CDH12: variants seen among roughly 807,000 people sequenced by gnomAD.
The protein encoded by CDH12 is cadherin 12, also known as cadherin-12.
A neutral mutation model predicts 74.1 loss-of-function variants in CDH12; 41 were observed. The ratio of observed to expected loss-of-function variants is 0.55; its 90% CI spans 0.43 to 0.72. The LOEUF is 0.72. CDH12 is among the 30% of genes least tolerant of loss of function. CDH12 has a pLI of 0.00. For missense variants in CDH12, 945 were observed against 977.2 expected (o/e 0.97, Z 0.44); for synonymous variants, 399 against 355.0 (o/e 1.12, Z -1.39).
intron 1 of CDH12, among the ~76,000 whole-genome samples, chr5:22,704,569 T>A (rs1395196628): frequency 1.3e-5 from 2 of 152,158 alleles, no homozygotes; most frequent in Non-Finnish European, 2.9e-5. Context: ...AGTATTATAA[T>A]GTTTGGCAGC....
chr5:21,963,552 T>C (rs1393428838), intron 6 of CDH12, among the ~76,000 whole-genome samples: 2 of 152,110 alleles, frequency 1.3e-5, no homozygotes, highest in African/African-American at 2.4e-5. Context: ...TCTTGTTTGA[T>C]GCATAAAACC....
chr5:22,829,942 G>A (rs1736512732), intron 1 of CDH12, among the ~76,000 whole-genome samples: 3 of 152,234 alleles, frequency 2.0e-5, no homozygotes, highest in East Asian at 3.9e-4. Flanking sequence ...GCTTTTTAAC[G>A]TTAGTGGTTT....
chr5:22,796,917 A>C (rs1220218205), intron 1 of CDH12, among the ~76,000 whole-genome samples: 1 of 152,146 alleles, frequency 6.6e-6, no homozygotes, highest in Non-Finnish European at 1.5e-5. Context: ...AGTTTCATAA[A>C]ATAATACTAT....
At chr5:21,919,517 T>G (rs962610784) in intron 6 of CDH12, among the ~76,000 whole-genome samples, 1 of 152,152 alleles carries the variant, frequency 6.6e-6, no homozygotes, top group East Asian at 1.9e-4. Context: ...ACTTCTTTCA[T>G]GCAAATTCTT....
intron 6 of CDH12, among the ~76,000 whole-genome samples, chr5:21,884,877 G>GT (rs954949774): frequency 1.4e-4 from 21 of 152,094 alleles, no homozygotes; most frequent in African/African-American, 5.1e-4. Context: ...AAAAGGCCCT[G>GT]TTTTTTGCTT....
chr5:22,389,983 T>C (rs981134706), intron 3 of CDH12, among the ~76,000 whole-genome samples: 3 of 150,656 alleles, frequency 2.0e-5, no homozygotes, highest in African/African-American at 7.3e-5. Flanking sequence ...AAAGCCATAT[T>C]TTATAAGATT....
At chr5:22,763,348 T>C (rs865903967) in intron 1 of CDH12, among the ~76,000 whole-genome samples, 4 of 152,084 alleles carry the variant, frequency 2.6e-5, no homozygotes, top group Admixed American at 6.6e-5. Context: ...ATTATCACAA[T>C]ATAAAAGAAA....
At chr5:22,113,147 A>T (rs560072109) in intron 4 of CDH12, among the ~76,000 whole-genome samples, 7 of 152,110 alleles carry the variant, frequency 4.6e-5, no homozygotes, top group African/African-American at 1.7e-4. Context: ...TTACAATCTT[A>T]CTCTGGCATA....
chr5:21,838,884 C>T (rs558514542), intron 8 of CDH12, among the ~76,000 whole-genome samples: 1 of 152,306 alleles, frequency 6.6e-6, no homozygotes, highest in South Asian at 2.1e-4. Context: ...TTCATCCATA[C>T]CCACATGGAT....
chr5:22,317,550 T>C (rs995525977), intron 3 of CDH12, among the ~76,000 whole-genome samples: 2 of 152,168 alleles, frequency 1.3e-5, no homozygotes, highest in African/African-American at 2.4e-5. Context: ...CATATACTAG[T>C]AGTTTTTGTT....
chr5:22,471,088 C>A (rs1427088968), intron 2 of CDH12, among the ~76,000 whole-genome samples: 1 of 107,268 alleles, frequency 9.3e-6, no homozygotes. Flanking sequence ...TCTTGTCAAG[C>A]TTCTAGGATA....
At chr5:22,659,098 A>G (rs1345774131) in intron 1 of CDH12, among the ~76,000 whole-genome samples, 4 of 152,176 alleles carry the variant, frequency 2.6e-5, no homozygotes, top group Admixed American at 2.6e-4. Flanking sequence ...GATTTAAAGA[A>G]AGATCTAAAT....
intron 1 of CDH12, among the ~76,000 whole-genome samples, chr5:22,849,175 A>G (rs111989122): frequency 0.012 from 1,828 of 152,234 alleles, 38 homozygotes; most frequent in African/African-American, 0.042. Context: ...GACCATGATA[A>G]GTGTTATCTG....
At chr5:22,448,111 T>G in intron 2 of CDH12, among the ~76,000 whole-genome samples, 1 of 147,924 alleles carries the variant, frequency 6.8e-6, no homozygotes, top group African/African-American at 2.5e-5. Context: ...TATGATCACA[T>G]CATACCACTG....
chr5:22,137,946 G>T (rs1357049156), intron 4 of CDH12, among the ~76,000 whole-genome samples: 1 of 151,996 alleles, frequency 6.6e-6, no homozygotes, highest in Non-Finnish European at 1.5e-5. Context: ...GCAATTTGTT[G>T]AAACAAAGAA....
At chr5:22,523,646 A>G (rs1408147179) in intron 1 of CDH12, among the ~76,000 whole-genome samples, 1 of 152,138 alleles carries the variant, frequency 6.6e-6, no homozygotes, top group Non-Finnish European at 1.5e-5. Flanking sequence ...GACTTTACTA[A>G]TATCTTCACT....
intron 3 of CDH12, among the ~76,000 whole-genome samples, chr5:22,228,995 G>T (rs1198312438): frequency 6.6e-6 from 1 of 151,970 alleles, no homozygotes; most frequent in Non-Finnish European, 1.5e-5. Flanking sequence ...TACTATAATT[G>T]TTCAAGTGAG....
intron 1 of CDH12, among the ~76,000 whole-genome samples, chr5:22,717,851 TTTC>T (rs1341335810): frequency 1.2e-4 from 18 of 152,154 alleles, no homozygotes; most frequent in Non-Finnish European, 1.5e-5. Context: ...GCTCAAATAT[TTTC>T]TTATTTCAGA....
chr5:22,353,076 G>A (rs778259582), intron 3 of CDH12, among the ~76,000 whole-genome samples: 7 of 152,232 alleles, frequency 4.6e-5, no homozygotes, highest in Middle Eastern at 3.4e-3. Flanking sequence ...GACACAATTT[G>A]TGAAAACAAA....
Sources: gnomAD v4.1 joint callset for allele counts (sites outside exome capture counted in the v4.1 genomes callset) on GRCh38, gnomAD v4.1.1 for gene constraint, MANE v1.5 for transcripts, NCBI Gene and HGNC (gene_info 2026-07-23, HGNC 2026-07-21) for gene names.